The following COG3 variants were observed in gnomAD, a reference collection of about 807,000 sequenced individuals.
COG3 encodes the protein component of oligomeric golgi complex 3.
Under a neutral mutation model 114.1 loss-of-function variants are expected in COG3, and 32 were observed. That is an observed-to-expected ratio of 0.28 (90% CI 0.21 to 0.38). The LOEUF is 0.38. Ranked by LOEUF, COG3 falls within the 10% of genes least tolerant of loss-of-function variation. COG3 has a pLI of 1.00. For missense variants in COG3, 813 were observed against 973.2 expected (o/e 0.84, Z 2.19); for synonymous variants, 352 against 365.7 (o/e 0.96, Z 0.43).
intron 14 of COG3, among the ~76,000 whole-genome samples, chr13:45,507,640 C>T (rs1271725408): frequency 6.6e-6 from 1 of 152,072 alleles, no homozygotes; most frequent in Non-Finnish European, 1.5e-5. Flanking sequence ...TGGCACATGC[C>T]TGTAATCCCA....
rs553141275 is a variant in COG3 at position 45,511,998 on chromosome 13, C to G, written c.1809+144C>G. The G allele has an allele frequency of 1.2e-4, 77 of 643,620 alleles. No homozygotes were observed. The African/African-American group carries it at 1.3e-3, about 11-fold the overall frequency. 39.9% of individuals were successfully genotyped at this position (643,620 alleles called of 1,614,324 possible). On this transcript the variant is annotated intron_variant, in intron 16 of 22. Coordinates refer to ENST00000349995, the MANE Select transcript of COG3 (RefSeq NM_031431.4). ...GAATTTTGAGGCTCTTTGAGAGAAACTGTTATTTCATTATAGTGCTAAATA... is the reference window on the plus strand; with the variant it reads ...GAATTTTGAGGCTCTTTGAGAGAAAGTGTTATTTCATTATAGTGCTAAATA...
At chr13:45,491,571 A>G (rs1315543069) in intron 10 of COG3, 33 bp downstream of exon 10, 2 of 1,600,440 alleles carry the variant, frequency 1.2e-6, no homozygotes, top group African/African-American at 1.3e-5. Flanking sequence ...TTAATGTTAA[A>G]TCTTCCTCTT....
At chr13:45,502,186 C>T (rs1206643104) in intron 13 of COG3, among the ~76,000 whole-genome samples, 1 of 152,098 alleles carries the variant, frequency 6.6e-6, no homozygotes, top group Non-Finnish European at 1.5e-5. Context: ...AGATCTGTTT[C>T]CCAGCCTGAT....
chr13:45,476,873 G>T (rs1373461906), intron 2 of COG3, among the ~76,000 whole-genome samples: 3 of 151,878 alleles, frequency 2.0e-5, no homozygotes, highest in South Asian at 2.1e-4. Flanking sequence ...TTCCTATTAA[G>T]AGTCAAAGTT....
intron 1 of COG3, among the ~76,000 whole-genome samples, chr13:45,474,404 C>T (rs765347294): frequency 5.3e-5 from 8 of 152,092 alleles, no homozygotes; most frequent in East Asian, 3.9e-4. Context: ...CCTCGTGATC[C>T]GCCCACCTCA....
At chr13:45,481,392 G>A (rs770564630) in intron 5 of COG3, 88 bp downstream of exon 5, 3 of 704,908 alleles carry the variant, frequency 4.3e-6, no homozygotes, top group East Asian at 5.6e-5. Context: ...CTATAAATTG[G>A]CTTGAGTGAT....
chr13:45,518,151 G>A (rs960873122), intron 17 of COG3, among the ~76,000 whole-genome samples: 3 of 152,186 alleles, frequency 2.0e-5, no homozygotes, highest in Admixed American at 2.0e-4. Context: ...GCTTTATCTG[G>A]TCTGGCAAAG....
chr13:45,518,462 A>G (rs977415703), intron 17 of COG3, among the ~76,000 whole-genome samples: 2 of 152,238 alleles, frequency 1.3e-5, no homozygotes, highest in Admixed American at 6.5e-5. Flanking sequence ...AACCTATTTA[A>G]TATCCTAAAA....
intron 20 of COG3, among the ~76,000 whole-genome samples, chr13:45,527,396 G>T (rs753799344): frequency 2.6e-5 from 4 of 152,190 alleles, no homozygotes; most frequent in Non-Finnish European, 5.9e-5. Flanking sequence ...TCTTGTAGTT[G>T]TATCTTCTAT....
intron 20 of COG3, among the ~76,000 whole-genome samples, chr13:45,526,632 G>A (rs1470063758): frequency 1.3e-5 from 2 of 152,204 alleles, no homozygotes; most frequent in African/African-American, 4.8e-5. Context: ...TTACCATGAT[G>A]CAGACAAGGA....
At chr13:45,530,108 G>C (rs901999881) in intron 21 of COG3, among the ~76,000 whole-genome samples, 190 bp downstream of exon 21, 4 of 152,182 alleles carry the variant, frequency 2.6e-5, no homozygotes, top group Admixed American at 2.6e-4. Context: ...TTTTCCCACT[G>C]TCACTTTGTC....
intron 16 of COG3, among the ~76,000 whole-genome samples, chr13:45,514,556 T>G (rs1871333208): frequency 6.6e-6 from 1 of 152,230 alleles, no homozygotes; most frequent in Non-Finnish European, 1.5e-5. Flanking sequence ...CTAATTCTGT[T>G]TCCTACATAT....
At chr13:45,521,981 T>C (rs1351067573) in intron 19 of COG3, among the ~76,000 whole-genome samples, 2 of 152,142 alleles carry the variant, frequency 1.3e-5, no homozygotes, top group Admixed American at 6.6e-5. Flanking sequence ...ATTTATGTAT[T>C]TTTTGTAGAG....
At chr13:45,533,509 T>C (rs1873347787) in intron 22 of COG3, among the ~76,000 whole-genome samples, 1 of 152,196 alleles carries the variant, frequency 6.6e-6, no homozygotes, top group South Asian at 2.1e-4. Flanking sequence ...CCTGTACTGC[T>C]AAATACTTCA....
In COG3 at chr13:45,509,844, C is replaced by T. The variant is rs377422246; in HGVS notation, c.1719+28C>T. 139 of 1,533,324 alleles carry T rather than the reference C, an allele frequency of 9.1e-5. 1 individual carries two copies. The highest frequency in any genetic ancestry group is 4.4e-4 in the East Asian group (19 of 43,556). 95.0% of individuals were successfully genotyped at this position (1,533,324 alleles called of 1,614,324 possible). On this transcript the variant is annotated intron_variant, in intron 15 of 22. Transcript: ENST00000349995. ...ACGTGTATCTTTACTGTGAATTGCT[C>T]GTTCTTTCACTTGAAATATTTTTAA...
intron 3 of COG3, 84 bp from the exon 4 acceptor site, chr13:45,480,041 G>T: frequency 1.6e-6 from 2 of 1,237,482 alleles, no homozygotes; most frequent in South Asian, 1.8e-5. Flanking sequence ...GAACATTTTG[G>T]GAAAAATGAG....
chr13:45,472,145 T>C (rs1270525088), intron 1 of COG3, among the ~76,000 whole-genome samples: 2 of 152,234 alleles, frequency 1.3e-5, no homozygotes, highest in African/African-American at 4.8e-5. Context: ...AAGATGTCGC[T>C]CTATTGTCTT....
chr13:45,530,053 A>C, intron 21 of COG3, 135 bp downstream of exon 21: 1 of 978,402 alleles, frequency 1.0e-6, no homozygotes, highest in Non-Finnish European at 1.4e-6. Flanking sequence ...AATCACTATG[A>C]TTCATGAAAG....
In COG3 at chr13:45,469,747, A is replaced by G. The variant is rs560073300; in HGVS notation, c.174+4537A>G. Among the ~76,000 whole-genome samples the G allele has an allele frequency of 6.6e-5, 10 of 152,312 alleles. No homozygotes were observed. The South Asian group carries it at 1.9e-3, about 28-fold the overall frequency. On this transcript the variant is annotated intron_variant, in intron 1 of 22. Transcript: ENST00000349995. ...CCATAAAAGAAAACTGAAAATGGTT[A>G]AACTGGTGAAAACTGAGGGTGGGGG...
Sources: gnomAD v4.1 joint callset for allele counts (sites outside exome capture counted in the v4.1 genomes callset) on GRCh38, gnomAD v4.1.1 for gene constraint, MANE v1.5 for transcripts, NCBI Gene and HGNC (gene_info 2026-07-23, HGNC 2026-07-21) for gene names.